MMS22L: variants seen among roughly 807,000 people sequenced by gnomAD.
MMS22L encodes the protein protein MMS22-like.
Under a neutral mutation model 159.1 loss-of-function variants are expected in MMS22L, and 74 were observed. The observed-to-expected ratio is 0.47, with a 90% CI of 0.39 to 0.56. The LOEUF (loss-of-function observed/expected upper bound fraction) is 0.56, where lower values mean the gene tolerates loss of function less well. MMS22L is among the 20% of genes least tolerant of loss of function. The pLI, the probability that MMS22L is intolerant of heterozygous loss-of-function variation, is 0.00. For synonymous variants in MMS22L, 517 were observed against 506.9 expected, an observed-to-expected ratio of 1.02 and a Z score of -0.27; for missense variants, 1,351 against 1,422.1, an observed-to-expected ratio of 0.95 and a Z score of 0.80.
chr6:97,166,047 T>C (rs1001331113), intron 20 of MMS22L, among the ~76,000 whole-genome samples: 2 of 152,154 alleles, frequency 1.3e-5, no homozygotes, highest in African/African-American at 4.8e-5. Context: ...GTTAGTAATA[T>C]TGTATCTCCA....
intron 22 of MMS22L, among the ~76,000 whole-genome samples, chr6:97,152,713 A>G (rs1038673551): frequency 6.6e-6 from 1 of 151,502 alleles, no homozygotes; most frequent in African/African-American, 2.4e-5. Flanking sequence ...GCTAAGGAAC[A>G]CACAGCATCC....
chr6:97,168,044 A>T, intron 20 of MMS22L, 27 bp downstream of exon 20: 1 of 1,533,048 alleles, frequency 6.5e-7, no homozygotes, highest in East Asian at 2.3e-5. Flanking sequence ...TTTTTTTTAA[A>T]CTTTTAAGCA....
chr6:97,284,000 G>A (rs1817013932), upstream of MMS22L, among the ~76,000 whole-genome samples: 1 of 152,064 alleles, frequency 6.6e-6, no homozygotes, highest in Non-Finnish European at 1.5e-5. Context: ...AAATTAAAAT[G>A]AAAACACTAA....
chr6:97,254,970 T>A (rs1582807549), intron 9 of MMS22L, among the ~76,000 whole-genome samples: 1 of 151,798 alleles, frequency 6.6e-6, no homozygotes, highest in East Asian at 1.9e-4. Flanking sequence ...CTGACTTTCA[T>A]GATAAATCAT....
At chr6:97,210,999 G>A (rs1208753884) in intron 14 of MMS22L, among the ~76,000 whole-genome samples, 1 of 151,882 alleles carries the variant, frequency 6.6e-6, no homozygotes, top group African/African-American at 2.4e-5. Context: ...GCATTAAATG[G>A]CATGATAGTA....
chr6:97,229,632 T>C (rs1440682939), intron 13 of MMS22L, among the ~76,000 whole-genome samples: 3 of 152,220 alleles, frequency 2.0e-5, no homozygotes, highest in Admixed American at 6.5e-5. Context: ...AAGGATTCAA[T>C]GGCTTTCCCC....
chr6:97,280,299 T>C (rs1022378587), intron 3 of MMS22L, among the ~76,000 whole-genome samples: 19 of 152,158 alleles, frequency 1.2e-4, no homozygotes, highest in African/African-American at 4.6e-4. Flanking sequence ...AACTGTGTCT[T>C]AAATGATAAT....
intron 21 of MMS22L, among the ~76,000 whole-genome samples, chr6:97,164,142 G>A (rs1390042587): frequency 6.6e-6 from 1 of 151,852 alleles, no homozygotes; most frequent in East Asian, 1.9e-4. Context: ...TGCACTAAGG[G>A]AAGAGAAATA....
chr6:97,166,075 C>G (rs370486623), intron 20 of MMS22L, among the ~76,000 whole-genome samples: 2 of 152,134 alleles, frequency 1.3e-5, no homozygotes, highest in East Asian at 3.9e-4. Flanking sequence ...GCTAGGATAA[C>G]TAAGGTTTAG....
chr6:97,150,463 A>G (rs1174467506), intron 23 of MMS22L, among the ~76,000 whole-genome samples: 1 of 152,170 alleles, frequency 6.6e-6, no homozygotes, highest in Non-Finnish European at 1.5e-5. Context: ...TTCCTAATAT[A>G]TTTTATGTTC....
At chr6:97,276,617 C>G (rs943496707) in intron 4 of MMS22L, among the ~76,000 whole-genome samples, 12 of 152,214 alleles carry the variant, frequency 7.9e-5, no homozygotes, top group African/African-American at 2.7e-4. Context: ...AATATTTAAT[C>G]CATGCTCTCT....
At chr6:97,155,855 G>A (rs1329994653) in intron 22 of MMS22L, among the ~76,000 whole-genome samples, 1 of 152,168 alleles carries the variant, frequency 6.6e-6, no homozygotes, top group Non-Finnish European at 1.5e-5. Flanking sequence ...ACCCAGTAAT[G>A]AGATTGTTGC....
chr6:97,262,338 G>A (rs1814565480), intron 9 of MMS22L, among the ~76,000 whole-genome samples: 1 of 151,876 alleles, frequency 6.6e-6, no homozygotes, highest in Admixed American at 6.6e-5. Context: ...TACAAAAATA[G>A]AGTTGTTATT....
At chr6:97,172,992 C>T (rs1803705742) in intron 19 of MMS22L, 71 bp downstream of exon 19, 19 of 1,449,340 alleles carry the variant, frequency 1.3e-5, no homozygotes, top group Non-Finnish European at 1.8e-5. Flanking sequence ...CCAATATATA[C>T]CTATCCATCA....
At chr6:97,192,135 A>G in intron 14 of MMS22L, among the ~76,000 whole-genome samples, 1 of 151,908 alleles carries the variant, frequency 6.6e-6, no homozygotes, top group Admixed American at 6.6e-5. Flanking sequence ...GTGTCTGTGC[A>G]TATGTGGAGG....
At chr6:97,252,049 C>T (rs10456891) in intron 10 of MMS22L, among the ~76,000 whole-genome samples, 96,906 of 150,486 alleles carry the variant, frequency 0.64, 32,645 homozygotes, top group Non-Finnish European at 0.76. Flanking sequence ...CGCCACTGCA[C>T]TCCAGCCTGG....
intron 14 of MMS22L, among the ~76,000 whole-genome samples, chr6:97,203,758 C>T (rs949522827): frequency 1.3e-5 from 2 of 152,018 alleles, no homozygotes; most frequent in Non-Finnish European, 2.9e-5. Flanking sequence ...TTCATTAGAC[C>T]GATTATTACA....
intron 9 of MMS22L, chr6:97,258,829 A>C (rs1442214136): frequency 6.6e-6 from 1 of 152,188 alleles, no homozygotes; most frequent in Non-Finnish European, 1.5e-5. Context: ...GTACATTCTT[A>C]AGTTACCTGG....
At chr6:97,209,712 G>C (rs1042237235) in intron 14 of MMS22L, among the ~76,000 whole-genome samples, 1 of 151,836 alleles carries the variant, frequency 6.6e-6, no homozygotes, top group Non-Finnish European at 1.5e-5. Context: ...AGTATTTTTT[G>C]ACTAAATTAT....
Sources: gnomAD v4.1 joint callset for allele counts (sites outside exome capture counted in the v4.1 genomes callset) on GRCh38, gnomAD v4.1.1 for gene constraint, MANE v1.5 for transcripts, NCBI Gene and HGNC (gene_info 2026-07-23, HGNC 2026-07-21) for gene names.